Variants in IMMP1L observed in about 807,000 individuals in gnomAD.
IMMP1L encodes mitochondrial inner membrane protease subunit 1.
IMMP1L carries 24 observed loss-of-function variants against 21.8 expected under a neutral mutation model. The ratio of observed to expected loss-of-function variants is 1.10; its 90% CI spans 0.80 to 1.55. The LOEUF is 1.55. Among genes scored for constraint, IMMP1L ranks in the 40% most tolerant of loss-of-function variants. The pLI is 0.00. For synonymous variants in IMMP1L, 46 were observed against 62.8 expected, an observed-to-expected ratio of 0.73 and a Z score of 1.26; for missense variants, 195 against 200.7, an observed-to-expected ratio of 0.97 and a Z score of 0.17.
chr11:31,506,029 C>T lies in IMMP1L; in HGVS notation c.-30+3490G>A, dbSNP rs1030220633. ...TTTTCAACTACACGGGTGTGGGGGT[C>T]GACACCCCTGATCCGCACACTGTTC... On this transcript the variant is annotated intron_variant, in intron 1 of 5. Transcript: ENST00000532287. Among the ~76,000 whole-genome samples the T allele has an allele frequency of 5.3e-5, 8 of 152,030 alleles. 1 individual carries two copies. Among genetic ancestry groups the T allele is most frequent in the South Asian group, 4.2e-4 (2 of 4,816 alleles).
In IMMP1L at chr11:31,460,667, G is replaced by A. The variant is rs771085131; in HGVS notation, c.153C>T (p.Val51=). Residue 51 remains valine, a synonymous_variant, in exon 3 of 6, where the codon GTC becomes GTT. Coordinates refer to ENST00000532287, the MANE Select transcript of IMMP1L (RefSeq NM_001304274.2). The part of the protein sequence containing the change: ...MEPTIQNSDI[V]FAENLSRHFY... ...AATGTCGACTAAGATTTTCTGCAAAGACAATATCTGAATTTTGAATTGTAG... is the reference window on the plus strand; with the variant it reads ...AATGTCGACTAAGATTTTCTGCAAAAACAATATCTGAATTTTGAATTGTAG... 2 of 1,611,162 alleles carry A rather than the reference G, an allele frequency of 1.2e-6. No homozygotes were observed. Among genetic ancestry groups the A allele is most frequent in the African/African-American group, 2.7e-5 (2 of 74,842 alleles).
At chr11:31,507,501 G>A (rs1955812824) in intron 1 of IMMP1L, among the ~76,000 whole-genome samples, 1 of 152,124 alleles carries the variant, frequency 6.6e-6, no homozygotes, top group Non-Finnish European at 1.5e-5. Context: ...TAGGAAACAA[G>A]GGAATATGTA....
rs77447088 is a variant in IMMP1L, at chr11:31,437,873, C to G, written c.322-4303G>C. On this transcript the variant is annotated intron_variant, in intron 4 of 5. Coordinates refer to ENST00000532287, the MANE Select transcript of IMMP1L (RefSeq NM_001304274.2). ...AAAGTACCTATTTTGTGTCTGCCTT[C>G]TTTTGCTTAGCAAGTTTTTATGATT... Among the ~76,000 whole-genome samples the G allele has an allele frequency of 1.6e-3, 237 of 152,210 alleles. 1 individual carries two copies. The highest frequency in any genetic ancestry group is 5.5e-3 in the African/African-American group (227 of 41,538).
chr11:31,503,010 G>C (rs1225959820), intron 1 of IMMP1L, among the ~76,000 whole-genome samples: 2 of 152,026 alleles, frequency 1.3e-5, no homozygotes, highest in Non-Finnish European at 2.9e-5. Context: ...GGCTTTTTAA[G>C]TTTTAATTTA....
At chr11:31,436,249 C>T (rs915517167) in intron 4 of IMMP1L, among the ~76,000 whole-genome samples, 3 of 152,060 alleles carry the variant, frequency 2.0e-5, no homozygotes. Flanking sequence ...TATCCATATG[C>T]TTTTTAAAAG....
chr11:31,483,129 A>C (rs1954957319), intron 1 of IMMP1L, among the ~76,000 whole-genome samples: 1 of 152,012 alleles, frequency 6.6e-6, no homozygotes, highest in Non-Finnish European at 1.5e-5. Flanking sequence ...TTAAAATTCA[A>C]GGCAGTGATT....
At chr11:31,502,548 T>C (rs1955654615) in intron 1 of IMMP1L, among the ~76,000 whole-genome samples, 1 of 152,218 alleles carries the variant, frequency 6.6e-6, no homozygotes, top group South Asian at 2.1e-4. Context: ...TCAGTAGATG[T>C]GATTTTTTCA....
intron 4 of IMMP1L, among the ~76,000 whole-genome samples, chr11:31,445,344 C>T (rs181007444): frequency 8.5e-4 from 130 of 152,260 alleles, no homozygotes; most frequent in Admixed American, 2.1e-3. Context: ...CCAAACTCAT[C>T]CTATATGGAT....
At chr11:31,440,261 A>G (rs1359739979) in intron 4 of IMMP1L, among the ~76,000 whole-genome samples, 5 of 152,180 alleles carry the variant, frequency 3.3e-5, no homozygotes, top group Non-Finnish European at 7.3e-5. Context: ...ACTGCCTGCT[A>G]TGCAATGTAT....
chr11:31,497,636 A>G (rs909375567), intron 1 of IMMP1L, among the ~76,000 whole-genome samples: 3 of 151,838 alleles, frequency 2.0e-5, no homozygotes, highest in African/African-American at 7.3e-5. Flanking sequence ...TAATTTTTCT[A>G]TTTTTAGTAG....
At chr11:31,459,036 G>A (rs1005347801) in intron 3 of IMMP1L, among the ~76,000 whole-genome samples, 6 of 152,112 alleles carry the variant, frequency 3.9e-5, no homozygotes, top group African/African-American at 1.2e-4. Flanking sequence ...TAATTCAAAG[G>A]CTATATAAGG....
intron 4 of IMMP1L, among the ~76,000 whole-genome samples, chr11:31,448,262 T>C (rs1564973153): frequency 6.6e-6 from 1 of 152,156 alleles, no homozygotes; most frequent in East Asian, 1.9e-4. Context: ...TGAGCCAAGA[T>C]TGTGCACTGC....
At position 31,433,466 on chromosome 11, in the gene IMMP1L, G is replaced by A; in HGVS notation, c.426C>T (p.Phe142=). 1 of 1,554,106 alleles carries A rather than the reference G, an allele frequency of 6.4e-7. No homozygotes were observed. The highest frequency in any genetic ancestry group is 1.2e-5 in the South Asian group (1 of 84,198). Residue 142 remains phenylalanine, a synonymous_variant, in exon 5 of 6, where the codon TTC becomes TTT. Transcript: ENST00000532287. ...IPYGLIRGRI[F]FKIWPLSDFG... is the part of the protein sequence containing the mutation. The stretch of plus-strand genomic sequence containing the variant: ...TTTAAGCAGAAAATGGTACCTTAAA[G>A]AAGATTCGTCCTCTTATTAGTCCAT...
Position 31,509,600 on chromosome 11 carries a change from T to C in IMMP1L, c.-111A>G, listed in dbSNP as rs538673249. The C allele has an allele frequency of 3.5e-4, 227 of 643,720 alleles. 1 individual carries two copies. The highest frequency in any genetic ancestry group is 5.2e-4 in the Non-Finnish European group (194 of 376,220). The allele number at this position is 643,720 out of a possible 1,614,324, so 39.9% of individuals were successfully genotyped here. A position where few individuals can be genotyped will look rare whatever the true frequency, so the allele number is the denominator to read the frequency against. ...ACCTGGGCCCCGCCGAAGTCGACCG[T>C]CCTTTCGTAGGGCGCACTTTTCAGC... On this transcript the variant is annotated 5_prime_UTR_variant, in exon 1 of 6. Coordinates refer to ENST00000532287, the MANE Select transcript of IMMP1L (RefSeq NM_001304274.2).
intron 3 of IMMP1L, among the ~76,000 whole-genome samples, chr11:31,459,257 A>T (rs1219665467): frequency 1.3e-5 from 2 of 152,222 alleles, no homozygotes; most frequent in South Asian, 4.1e-4. Flanking sequence ...AAGATCAGTA[A>T]ATGTGAAGAA....
At chr11:31,454,808 G>A (rs982187248) in intron 4 of IMMP1L, among the ~76,000 whole-genome samples, 4 of 152,088 alleles carry the variant, frequency 2.6e-5, no homozygotes, top group Non-Finnish European at 4.4e-5. Flanking sequence ...ACAATGATAT[G>A]GCATTTAAAT....
intron 4 of IMMP1L, among the ~76,000 whole-genome samples, chr11:31,435,442 G>C (rs1362973988): frequency 6.6e-6 from 1 of 152,174 alleles, no homozygotes; most frequent in Non-Finnish European, 1.5e-5. Context: ...CCAACAGGCA[G>C]TAATGCCATG....
chr11:31,482,734 C>A (rs1954940763), intron 1 of IMMP1L, among the ~76,000 whole-genome samples: 1 of 151,990 alleles, frequency 6.6e-6, no homozygotes, highest in African/African-American at 2.4e-5. Flanking sequence ...AACTAGAACT[C>A]TCTCGCATAC....
intron 1 of IMMP1L, among the ~76,000 whole-genome samples, chr11:31,504,993 C>T (rs1322807158): frequency 6.6e-6 from 1 of 152,142 alleles, no homozygotes; most frequent in Admixed American, 6.6e-5. Flanking sequence ...GTAGACATGA[C>T]CTTAGTATTC....
Sources: gnomAD v4.1 joint callset for allele counts (sites outside exome capture counted in the v4.1 genomes callset) on GRCh38, gnomAD v4.1.1 for gene constraint, MANE v1.5 for transcripts, NCBI Gene and HGNC (gene_info 2026-07-23, HGNC 2026-07-21) for gene names.